Variants in KDM2A observed in about 807,000 individuals in gnomAD.
KDM2A encodes the protein lysine demethylase 2A.
In KDM2A, 3 loss-of-function variants were observed where a neutral mutation model predicts 137.3. That is an observed-to-expected ratio of 0.02 (90% CI 0.01 to 0.06). The LOEUF (loss-of-function observed/expected upper bound fraction) is 0.06. Ranked by LOEUF, KDM2A falls within the 10% of genes least tolerant of loss-of-function variation. KDM2A has a pLI of 1.00. For synonymous variants in KDM2A, 512 were observed against 541.5 expected, an observed-to-expected ratio of 0.95 and a Z score of 0.76; for missense variants, 738 against 1,510.6, an observed-to-expected ratio of 0.49 and a Z score of 8.48.
chr11:67,181,919 C>T, intron 5 of KDM2A, 27 bp downstream of exon 5: 1 of 1,603,854 alleles, frequency 6.2e-7, no homozygotes, highest in Non-Finnish European at 8.5e-7. Context: ...TGGCCTCTGT[C>T]TTTAAGGCAA....
chr11:67,175,434 A>G (rs1316079691), intron 2 of KDM2A, among the ~76,000 whole-genome samples: 2 of 152,176 alleles, frequency 1.3e-5, no homozygotes, highest in African/African-American at 4.8e-5. Context: ...TCTGTCTCCG[A>G]AAAAAACCAG....
At chr11:67,234,882 C>A (rs1858820634) in intron 12 of KDM2A, among the ~76,000 whole-genome samples, 1 of 151,984 alleles carries the variant, frequency 6.6e-6, no homozygotes, top group Non-Finnish European at 1.5e-5. Context: ...CATGGTGGCT[C>A]ATGCCTGTAG....
chr11:67,123,635 C>T (rs1855649792), intron 2 of KDM2A, among the ~76,000 whole-genome samples: 1 of 151,692 alleles, frequency 6.6e-6, no homozygotes, highest in Non-Finnish European at 1.5e-5. Context: ...ATTTTGCAGT[C>T]CAGACTTTAA....
intron 9 of KDM2A, among the ~76,000 whole-genome samples, 174 bp from the exon 10 acceptor site, chr11:67,219,114 T>C (rs1168666826): frequency 6.6e-6 from 1 of 152,230 alleles, no homozygotes; most frequent in Non-Finnish European, 1.5e-5. Context: ...GAGGTATTAT[T>C]TATCCTGGTT....
chr11:67,164,132 T>C (rs1024516321), intron 2 of KDM2A, among the ~76,000 whole-genome samples: 14 of 152,182 alleles, frequency 9.2e-5, no homozygotes, highest in Non-Finnish European at 2.1e-4. Flanking sequence ...TCCTGTGCAT[T>C]AGGTGACATT....
At chr11:67,204,624 T>TG (rs1857748398) in intron 5 of KDM2A, among the ~76,000 whole-genome samples, 1 of 152,034 alleles carries the variant, frequency 6.6e-6, no homozygotes, top group African/African-American at 2.4e-5. Flanking sequence ...CCCGAGTACC[T>TG]GGGACTACAG....
In KDM2A at chr11:67,210,089, G is replaced by T. The variant is rs139524793; in HGVS notation, c.486+2401G>T. The stretch of plus-strand genomic sequence containing the variant: ...ATGATAAAAAATGTAAATAGAAGCC[G>T]AGCATGGTGGCTCATGCCTGTAATC... On this transcript the variant is annotated intron_variant, in intron 6 of 20. Coordinates refer to ENST00000529006, the MANE Select transcript of KDM2A (RefSeq NM_012308.3). Among the ~76,000 whole-genome samples the T allele has an allele frequency of 2.6e-5, 4 of 151,876 alleles. No individual in the cohort carries two copies. The South Asian group carries it at 6.2e-4, about 24-fold the overall frequency.
chr11:67,181,914 T>C, intron 5 of KDM2A, 22 bp downstream of exon 5: 1 of 1,610,878 alleles, frequency 6.2e-7, no homozygotes. Flanking sequence ...GCTTTTGGCC[T>C]CTGTCTTTAA....
chr11:67,202,378 A>G (rs1857649103), intron 5 of KDM2A, among the ~76,000 whole-genome samples: 1 of 152,228 alleles, frequency 6.6e-6, no homozygotes, highest in Admixed American at 6.5e-5. Flanking sequence ...AAGACGTTCT[A>G]CCATGGGTAA....
At chr11:67,170,407 TC>T (rs1838208241) in intron 2 of KDM2A, among the ~76,000 whole-genome samples, 1 of 141,474 alleles carries the variant, frequency 7.1e-6, no homozygotes, top group Non-Finnish European at 1.5e-5. Flanking sequence ...TTTCTTTCTT[TC>T]TTTTTTTTTT....
chr11:67,248,215 TG>T, intron 15 of KDM2A, 65 bp from the exon 16 acceptor site: 2 of 1,148,454 alleles, frequency 1.7e-6, no homozygotes, highest in Non-Finnish European at 2.6e-6. Context: ...TCTTCCCAAC[TG>T]TGTTATTGTT....
intron 2 of KDM2A, among the ~76,000 whole-genome samples, chr11:67,163,592 G>A (rs927012858): frequency 3.3e-5 from 5 of 152,098 alleles, no homozygotes; most frequent in Non-Finnish European, 5.9e-5. Flanking sequence ...CGTGGCTCAC[G>A]CCTGTAATTC....
rs533302621 is a variant in KDM2A, at chr11:67,248,132, A to T, written c.1966-149A>T. ...CACTGTCAAGATCAGGTTCAGCACC[A>T]TTGGCTATTTGGGGCTGGATTGCTC... On this transcript the variant is annotated intron_variant, in intron 15 of 20. Transcript: ENST00000529006. 915 of 625,252 alleles carry T rather than the reference A, an allele frequency of 1.5e-3. 13 individuals are homozygous for T. Among genetic ancestry groups the T allele is most frequent in the South Asian group, 9.6e-3 (504 of 52,524 alleles). 38.7% of individuals were successfully genotyped at this position (625,252 alleles called of 1,614,324 possible). A position where few individuals can be genotyped will look rare whatever the true frequency, so the allele number is the denominator to read the frequency against.
chr11:67,124,614 C>A, intron 2 of KDM2A, among the ~76,000 whole-genome samples: 1 of 112,676 alleles, frequency 8.9e-6, no homozygotes, highest in Middle Eastern at 6.0e-3. Flanking sequence ...GCCTGGCCCA[C>A]TTTTTTTTTT....
intron 6 of KDM2A, among the ~76,000 whole-genome samples, chr11:67,211,613 CAAAAAAAAA>C (rs377116306): frequency 8.0e-5 from 4 of 50,260 alleles, no homozygotes; most frequent in African/African-American, 1.9e-4. Context: ...GACCCTGTCT[CAAAAAAAAA>C]AAAAAAAAAA....
intron 5 of KDM2A, among the ~76,000 whole-genome samples, chr11:67,185,259 A>C (rs1857176709): frequency 6.6e-6 from 1 of 152,222 alleles, no homozygotes; most frequent in Admixed American, 6.5e-5. Flanking sequence ...ATCAGCAAAG[A>C]TAGGACAATG....
intron 3 of KDM2A, chr11:67,180,577 C>T (rs773106133): frequency 2.5e-4 from 44 of 178,066 alleles, no homozygotes; most frequent in Non-Finnish European, 4.2e-4. Context: ...GGATTCCATG[C>T]GCACCGTGCA....
At chr11:67,223,548 G>T (rs527790240) in intron 10 of KDM2A, among the ~76,000 whole-genome samples, 1 of 151,912 alleles carries the variant, frequency 6.6e-6, no homozygotes, top group South Asian at 2.1e-4. Context: ...GACCACAGAC[G>T]CACACCACCA....
chr11:67,179,175 C>T (rs1188133122), intron 2 of KDM2A, among the ~76,000 whole-genome samples: 1 of 152,114 alleles, frequency 6.6e-6, no homozygotes, highest in African/African-American at 2.4e-5. Context: ...TTTTCATGTG[C>T]TTATTGTACA....
Sources: gnomAD v4.1 joint callset for allele counts (sites outside exome capture counted in the v4.1 genomes callset) on GRCh38, gnomAD v4.1.1 for gene constraint, MANE v1.5 for transcripts, NCBI Gene and HGNC (gene_info 2026-07-23, HGNC 2026-07-21) for gene names.